Variants in HIKESHI observed in about 807,000 individuals in gnomAD.
HIKESHI encodes the protein protein Hikeshi.
In HIKESHI, 13 loss-of-function variants were observed where a neutral mutation model predicts 25.7. That is an observed-to-expected ratio of 0.51 (90% CI 0.33 to 0.80). The LOEUF (loss-of-function observed/expected upper bound fraction) is 0.80, where lower values mean the gene tolerates loss of function less well. Among genes scored for constraint, HIKESHI ranks in the 30% least tolerant of loss-of-function variants. The pLI is 0.02. For synonymous variants in HIKESHI, 76 were observed against 78.7 expected (o/e 0.97, Z 0.18); for missense variants, 174 against 229.5 (o/e 0.76, Z 1.56).
At chr11:86,321,731 T>C (rs749230230) in intron 2 of HIKESHI, among the ~76,000 whole-genome samples, 13 of 152,144 alleles carry the variant, frequency 8.5e-5, no homozygotes, top group African/African-American at 1.7e-4. Context: ...GGTTTCACCA[T>C]GTTGGCCAAG....
intron 2 of HIKESHI, among the ~76,000 whole-genome samples, chr11:86,314,046 G>T (rs1039903124): frequency 6.6e-6 from 1 of 152,174 alleles, no homozygotes; most frequent in African/African-American, 2.4e-5. Context: ...TTTTTAACAT[G>T]CTTAGGTCAC....
intron 1 of HIKESHI, among the ~76,000 whole-genome samples, chr11:86,302,844 A>C (rs1053327949): frequency 6.6e-6 from 1 of 152,230 alleles, no homozygotes; most frequent in African/African-American, 2.4e-5. Flanking sequence ...CAGTTACAGA[A>C]CTAAGTTCAA....
chr11:86,333,424 A>C (rs944338376), intron 2 of HIKESHI, among the ~76,000 whole-genome samples: 2 of 151,882 alleles, frequency 1.3e-5, no homozygotes, highest in African/African-American at 4.8e-5. Flanking sequence ...AATCCCAGCT[A>C]CTCGGGAGGC....
chr11:86,321,248 T>C (rs1214425121), intron 2 of HIKESHI, among the ~76,000 whole-genome samples: 1 of 152,156 alleles, frequency 6.6e-6, no homozygotes, highest in African/African-American at 2.4e-5. Flanking sequence ...TTTTCACTTT[T>C]ATATGGTGTT....
intron 2 of HIKESHI, among the ~76,000 whole-genome samples, chr11:86,314,175 G>A (rs1946910536): frequency 1.3e-5 from 2 of 152,172 alleles, no homozygotes; most frequent in Admixed American, 1.3e-4. Context: ...TCTTGTAGGT[G>A]TAGAGAAGCC....
At chr11:86,330,278 A>G (rs1434097207) in intron 2 of HIKESHI, among the ~76,000 whole-genome samples, 1 of 152,206 alleles carries the variant, frequency 6.6e-6, no homozygotes, top group Non-Finnish European at 1.5e-5. Context: ...AACTACAAGC[A>G]AGTTTTCCTT....
intron 2 of HIKESHI, among the ~76,000 whole-genome samples, chr11:86,311,617 G>T (rs1471299525): frequency 2.0e-5 from 3 of 152,048 alleles, no homozygotes; most frequent in Non-Finnish European, 4.4e-5. Context: ...GAATGTGTTT[G>T]CTCTTGCTTC....
intron 2 of HIKESHI, among the ~76,000 whole-genome samples, chr11:86,317,621 A>G (rs1947022642): frequency 6.6e-6 from 1 of 152,090 alleles, no homozygotes. Flanking sequence ...CCTGGCCAAT[A>G]TGGTGAAACC....
chr11:86,335,848 A>C (rs192731064), intron 2 of HIKESHI, among the ~76,000 whole-genome samples: 36 of 152,354 alleles, frequency 2.4e-4, no homozygotes, highest in Non-Finnish European at 4.3e-4. Context: ...TCACATTGTA[A>C]TATTCAAAAT....
intron 3 of HIKESHI, 115 bp from the exon 4 acceptor site, chr11:86,344,488 C>A: frequency 1.5e-6 from 1 of 686,864 alleles, no homozygotes; most frequent in Non-Finnish European, 2.4e-6. Flanking sequence ...ATTAGACTCT[C>A]TTAGAACTGA....
rs374700801 is a variant in HIKESHI at position 86,333,740 on chromosome 11, G to A, written c.269-3639G>A. 2.6e-5 allele frequency among the ~76,000 whole-genome samples: 4 copies of A among 152,060 alleles called. No individual in the cohort carries two copies. In the East Asian group the frequency reaches 5.8e-4, roughly 22 times the overall value. On this transcript the variant is annotated intron_variant, in intron 2 of 4. Transcript: ENST00000278483. ...ATAAATAGACAAATGCTGAAAGCAG[G>A]GGTGTATAGAGAAGTGATTGGAAGG... is the stretch of plus-strand genomic sequence containing the variant.
intron 2 of HIKESHI, among the ~76,000 whole-genome samples, chr11:86,328,542 T>A (rs1347674644): frequency 6.6e-6 from 1 of 151,930 alleles, no homozygotes; most frequent in Non-Finnish European, 1.5e-5. Flanking sequence ...CCTCCCAGGT[T>A]CAAGCAATTC....
At chr11:86,340,032 A>T (rs926038940) in intron 3 of HIKESHI, among the ~76,000 whole-genome samples, 1 of 152,134 alleles carries the variant, frequency 6.6e-6, no homozygotes, top group South Asian at 2.1e-4. Context: ...TAGTTTGCTC[A>T]GAATGATGGT....
rs138918668 is a variant in HIKESHI, at chr11:86,309,717, G to A, written c.268+3235G>A. Among the ~76,000 whole-genome samples the A allele has an allele frequency of 8.3e-3, 1,258 of 152,286 alleles. 10 individuals carry two copies. The highest frequency in any genetic ancestry group is 0.016 in the South Asian group (76 of 4,826). The stretch of plus-strand genomic sequence containing the variant: ...TTATGGTTTTAGGGCTAACATGTAA[G>A]TCTTTAATCTATCCTGAATTAATTT... On this transcript the variant is annotated intron_variant, in intron 2 of 4. Coordinates refer to ENST00000278483, the MANE Select transcript of HIKESHI (RefSeq NM_016401.4).
chr11:86,308,102 A>ATACAG (rs1946712269), intron 2 of HIKESHI, among the ~76,000 whole-genome samples: 1 of 125,234 alleles, frequency 8.0e-6, no homozygotes, highest in South Asian at 2.3e-4. Flanking sequence ...TAAATATACT[A>ATACAG]TATACTATAT....
intron 2 of HIKESHI, among the ~76,000 whole-genome samples, chr11:86,327,477 G>A (rs1947314029): frequency 1.3e-5 from 2 of 152,210 alleles, no homozygotes; most frequent in African/African-American, 4.8e-5. Context: ...ACCACGCCCG[G>A]CTAATTTTTT....
intron 2 of HIKESHI, among the ~76,000 whole-genome samples, chr11:86,313,286 AT>A (rs1286922627): frequency 6.6e-6 from 1 of 152,152 alleles, no homozygotes; most frequent in African/African-American, 2.4e-5. Context: ...GGCTGAGTGC[AT>A]TGGCACAATC....
intron 2 of HIKESHI, among the ~76,000 whole-genome samples, chr11:86,328,034 A>C (rs938108552): frequency 6.6e-6 from 1 of 152,210 alleles, no homozygotes; most frequent in Non-Finnish European, 1.5e-5. Context: ...AATAGAGCAT[A>C]TCCCTGCCAG....
rs765115757 is a variant in HIKESHI, at chr11:86,306,454, C to A, written c.240C>A (p.Ala80=). The stretch of plus-strand genomic sequence containing the variant: ...TTGTCACGAATGGGAAGCCAAGTGC[C>A]ATCTTCAAAATTTCAGGTCTTAAAT... ...LGFVTNGKPS[A]IFKISGLKSG... Residue 80 remains alanine, a synonymous_variant, in exon 2 of 5, where the codon GCC becomes GCA. Coordinates refer to ENST00000278483, the MANE Select transcript of HIKESHI (RefSeq NM_016401.4). 10 of 1,610,434 alleles carry A rather than the reference C, an allele frequency of 6.2e-6. No homozygotes were observed. The highest frequency in any genetic ancestry group is 8.5e-6 in the Non-Finnish European group (10 of 1,177,070).
Sources: gnomAD v4.1 joint callset for allele counts (sites outside exome capture counted in the v4.1 genomes callset) on GRCh38, gnomAD v4.1.1 for gene constraint, MANE v1.5 for transcripts, NCBI Gene and HGNC (gene_info 2026-07-23, HGNC 2026-07-21) for gene names.